MAPK8IP1: variants seen among roughly 807,000 people sequenced by gnomAD.
MAPK8IP1 encodes the protein C-Jun-amino-terminal kinase-interacting protein 1.
MAPK8IP1 carries 17 observed loss-of-function variants against 72.6 expected under a neutral mutation model. The observed-to-expected ratio is 0.23, with a 90% CI of 0.16 to 0.35. MAPK8IP1 has a LOEUF of 0.35. MAPK8IP1 is among the 10% of genes least tolerant of loss of function. The pLI, the probability that MAPK8IP1 is intolerant of heterozygous loss-of-function variation, is 1.00. For missense variants in MAPK8IP1, 789 were observed against 1,009.7 expected (o/e 0.78, Z 2.96); for synonymous variants, 401 against 443.4 (o/e 0.90, Z 1.20).
intron 1 of MAPK8IP1, among the ~76,000 whole-genome samples, chr11:45,895,641 T>A (rs369803502): frequency 0.41 from 25,312 of 62,334 alleles, 3,758 homozygotes; most frequent in South Asian, 0.59. Context: ...AAAATATATA[T>A]ATATATATAT....
chr11:45,899,918 A>C (rs1222616525), intron 2 of MAPK8IP1, among the ~76,000 whole-genome samples: 1 of 151,956 alleles, frequency 6.6e-6, no homozygotes, highest in Non-Finnish European at 1.5e-5. Flanking sequence ...GACTGTGGGG[A>C]GGTGCTGGCC....
chr11:45,905,772 C>A lies in MAPK8IP1; in HGVS notation c.*51C>A, dbSNP rs547031619. ...CCCAGCCCTCAGGCCAGTGCCAGGA[C>A]AGCTGGCTGCTGACAGGATGTGGCA... On this transcript the variant is annotated 3_prime_UTR_variant, in exon 12 of 12. Transcript: ENST00000241014. 9 of 1,533,998 alleles carry A rather than the reference C, an allele frequency of 5.9e-6. No homozygotes were observed. Among genetic ancestry groups the A allele is most frequent in the Middle Eastern group, 4.3e-4 (2 of 4,650 alleles).
At chr11:45,897,590 G>A (rs1055150526) in intron 1 of MAPK8IP1, among the ~76,000 whole-genome samples, 1 of 152,204 alleles carries the variant, frequency 6.6e-6, no homozygotes, top group Non-Finnish European at 1.5e-5. Flanking sequence ...CTTGTTCCCT[G>A]GGCTCAAGGG....
At position 45,902,105 on chromosome 11, in the gene MAPK8IP1, G is replaced by A. The variant is rs927568646; in HGVS notation, c.604+44G>A. 2.6e-6 allele frequency: 4 copies of A among 1,529,482 alleles called. No individual in the cohort carries two copies. The African/African-American group carries it at 5.5e-5, about 21-fold the overall frequency. 94.7% of individuals were successfully genotyped at this position (1,529,482 alleles called of 1,614,324 possible). A position where few individuals can be genotyped will look rare whatever the true frequency, so the allele number is the denominator to read the frequency against. ...CCTTACCTGGACCTCCGCCTGCCCT[G>A]ACTCAGTCCCCACTACAGAGAGCAA... On this transcript the variant is annotated intron_variant, in intron 4 of 11. Coordinates refer to ENST00000241014, the MANE Select transcript of MAPK8IP1 (RefSeq NM_005456.4). The surrounding 1 kb of genome is among the most constrained non-coding windows in gnomAD (Gnocchi z 9.3).
At chr11:45,895,607 G>T (rs1474499144) in intron 1 of MAPK8IP1, among the ~76,000 whole-genome samples, 1 of 126,816 alleles carries the variant, frequency 7.9e-6, no homozygotes. Flanking sequence ...GTGACAGAGC[G>T]AAAGGCCGTC....
chr11:45,904,579 T>C lies in MAPK8IP1; in HGVS notation c.1776+15T>C. 2 of 1,611,292 alleles carry C rather than the reference T, an allele frequency of 1.2e-6. No individual in the cohort carries two copies. Among genetic ancestry groups the C allele is most frequent in the East Asian group, 2.2e-5 (1 of 44,866 alleles). ...CTATGCAAAAGGTACCTGAGCCCTCTCCCTTCTCCTCCCTTGGATGGGTCC... is the reference window on the plus strand; with the variant it reads ...CTATGCAAAAGGTACCTGAGCCCTCCCCCTTCTCCTCCCTTGGATGGGTCC... On this transcript the variant is annotated intron_variant, in intron 8 of 11. Coordinates refer to ENST00000241014, the MANE Select transcript of MAPK8IP1 (RefSeq NM_005456.4). This position sits in a 1 kb window ranked among gnomAD's most constrained non-coding sequence, Gnocchi z 6.4.
In MAPK8IP1 at chr11:45,903,268, C is replaced by G. The variant is rs2086672250; in HGVS notation, c.1417+84C>G. On this transcript the variant is annotated intron_variant, in intron 5 of 11. Coordinates refer to ENST00000241014, the MANE Select transcript of MAPK8IP1 (RefSeq NM_005456.4). The surrounding 1 kb of genome is among the most constrained non-coding windows in gnomAD (Gnocchi z 6.4). ...ATGCGAAGTGTTCTGGGAGGCGACC[C>G]CAGGCCCCATCTGGTTAGGACTGAG... is the stretch of plus-strand genomic sequence containing the variant. 6.3e-7 allele frequency: 1 copy of G among 1,581,352 alleles called. No homozygotes were observed. The highest frequency in any genetic ancestry group is 8.6e-7 in the Non-Finnish European group (1 of 1,157,332).
intron 1 of MAPK8IP1, among the ~76,000 whole-genome samples, chr11:45,890,509 C>G (rs2086558789): frequency 6.6e-6 from 1 of 152,164 alleles, no homozygotes. Flanking sequence ...CAAGCTTGTT[C>G]TAGGAGGATC....
intron 1 of MAPK8IP1, among the ~76,000 whole-genome samples, chr11:45,894,361 C>T (rs899099321): frequency 2.6e-5 from 4 of 151,272 alleles, no homozygotes; most frequent in Admixed American, 6.6e-5. Context: ...ATGAGAGGCA[C>T]CTAAAAAGTC....
Position 45,902,280 on chromosome 11 carries a change from T to G in MAPK8IP1, c.605-92T>G. ...GCCTGTTGCCCAGGGAGGCTTTGTC[T>G]TGGTTTCTGTGTCACCAAGCTGAGA... On this transcript the variant is annotated intron_variant, in intron 4 of 11. Coordinates refer to ENST00000241014, the MANE Select transcript of MAPK8IP1 (RefSeq NM_005456.4). This position sits in a 1 kb window ranked among gnomAD's most constrained non-coding sequence, Gnocchi z 9.3. 2 of 1,220,840 alleles carry G rather than the reference T, an allele frequency of 1.6e-6. No individual in the cohort carries two copies. The highest frequency in any genetic ancestry group is 2.5e-5 in the South Asian group (2 of 78,742). 75.6% of individuals were successfully genotyped at this position (1,220,840 alleles called of 1,614,324 possible).
At chr11:45,897,346 G>C (rs1033228965) in intron 1 of MAPK8IP1, among the ~76,000 whole-genome samples, 1 of 152,142 alleles carries the variant, frequency 6.6e-6, no homozygotes, top group African/African-American at 2.4e-5. Context: ...AGTGGAGCTG[G>C]TTAGTATTCT....
At chr11:45,896,527 G>T in intron 1 of MAPK8IP1, 9 of 1,096,114 alleles carry the variant, frequency 8.2e-6, no homozygotes, top group Non-Finnish European at 1.0e-5. Context: ...GGCATTGGAA[G>T]GGCAGGTGGA....
At chr11:45,896,644 T>C in intron 1 of MAPK8IP1, 1 of 1,387,154 alleles carries the variant, frequency 7.2e-7, no homozygotes, top group Non-Finnish European at 9.3e-7. Flanking sequence ...AGCTGAGGGC[T>C]GCGCTGGGAA....
chr11:45,902,953 C>G lies in MAPK8IP1; in HGVS notation c.1186C>G (p.Leu396Val), dbSNP rs747459961. 12 of 1,611,828 alleles carry G rather than the reference C, an allele frequency of 7.4e-6. No homozygotes were observed. The highest frequency in any genetic ancestry group is 2.5e-6 in the Non-Finnish European group (3 of 1,179,816). Reference sequence around the variant, plus strand: ...GCATGCACAGCTGGAGCTGGTGAGCCTGCGGCCGTGCTTCGGAGACTACAG... The same window carrying G: ...GCATGCACAGCTGGAGCTGGTGAGCGTGCGGCCGTGCTTCGGAGACTACAG... ...DEHAQLELVS[L>V]RPCFGDYSDE... is the part of the protein sequence containing the mutation. The change falls in exon 5 of 12, where the codon CTG becomes GTG. Residue 396 changes from leucine (L) to valine (V), a missense_variant. Transcript: ENST00000241014. The surrounding 1 kb of genome is among the most constrained non-coding windows in gnomAD (Gnocchi z 9.3).
At chr11:45,894,072 C>G (rs1565071310) in intron 1 of MAPK8IP1, among the ~76,000 whole-genome samples, 1 of 151,328 alleles carries the variant, frequency 6.6e-6, no homozygotes, top group Non-Finnish European at 1.5e-5. Context: ...CTCACCAGCC[C>G]TCTGAGGTGG....
rs2086644258 is a variant in MAPK8IP1, at chr11:45,900,536, C to T, written c.522+84C>T. On this transcript the variant is annotated intron_variant, in intron 3 of 11. Transcript: ENST00000241014. This position sits in a 1 kb window ranked among gnomAD's most constrained non-coding sequence, Gnocchi z 6.5. Reference sequence around the variant, plus strand: ...GCAGAGGGGCTGCAGCGGGAAGGGGCACCCACGGGTCCAGTGCCTGGGGAC... The same window carrying T: ...GCAGAGGGGCTGCAGCGGGAAGGGGTACCCACGGGTCCAGTGCCTGGGGAC... 6.9e-7 allele frequency: 1 copy of T among 1,458,174 alleles called. No homozygotes were observed. Among genetic ancestry groups the T allele is most frequent in the Non-Finnish European group, 9.2e-7 (1 of 1,090,718 alleles). 90.3% of individuals were successfully genotyped at this position (1,458,174 alleles called of 1,614,324 possible). A position where few individuals can be genotyped will look rare whatever the true frequency, so the allele number is the denominator to read the frequency against.
Position 45,887,186 on chromosome 11 carries a change from T to C in MAPK8IP1, c.101+1265T>C, listed in dbSNP as rs181347011. Among the ~76,000 whole-genome samples, 372 of 152,270 alleles carry C rather than the reference T, an allele frequency of 2.4e-3. 1 individual carries two copies. The highest frequency in any genetic ancestry group is 2.0e-3 in the Non-Finnish European group (137 of 68,010). ...CCTCTGCAGTGGAAGCACATGGGGC[T>C]TAGAGGGACCTGGGTTCAAATCCTA... On this transcript the variant is annotated intron_variant, in intron 1 of 11. Coordinates refer to ENST00000241014, the MANE Select transcript of MAPK8IP1 (RefSeq NM_005456.4).
At chr11:45,905,601 C>T in intron 11 of MAPK8IP1, 48 bp from the exon 12 acceptor site, 2 of 1,534,872 alleles carry the variant, frequency 1.3e-6, no homozygotes, top group Non-Finnish European at 1.8e-6. Context: ...TCCTGTTCCT[C>T]CCTTGCCAGT....
chr11:45,892,881 A>G (rs2086577526), intron 1 of MAPK8IP1, among the ~76,000 whole-genome samples: 1 of 152,206 alleles, frequency 6.6e-6, no homozygotes, highest in Non-Finnish European at 1.5e-5. Flanking sequence ...GAGGAACCAG[A>G]GGGAAATGGG....
Sources: gnomAD v4.1 joint callset for allele counts (sites outside exome capture counted in the v4.1 genomes callset) on GRCh38, gnomAD v4.1.1 for gene constraint, Gnocchi (gnomAD v3.1) non-coding constraint, MANE v1.5 for transcripts, NCBI Gene and HGNC (gene_info 2026-07-23, HGNC 2026-07-21) for gene names.